SKAP1: variants seen among roughly 807,000 people sequenced by gnomAD.
SKAP1 encodes the protein src kinase-associated phosphoprotein 1.
Under a neutral mutation model 58.5 loss-of-function variants are expected in SKAP1, and 44 were observed. The ratio of observed to expected loss-of-function variants is 0.75; its 90% CI spans 0.59 to 0.97. SKAP1 has a LOEUF of 0.97. Ranked by LOEUF, SKAP1 falls within the 50% of genes least tolerant of loss-of-function variation. The pLI, the probability that SKAP1 is intolerant of heterozygous loss-of-function variation, is 0.00. For missense variants in SKAP1, 390 were observed against 435.2 expected (o/e 0.90, Z 0.92); for synonymous variants, 127 against 149.7 (o/e 0.85, Z 1.11).
chr17:48,182,485 T>A, intron 7 of SKAP1, 28 bp from the exon 8 acceptor site: 1 of 1,520,024 alleles, frequency 6.6e-7, no homozygotes, highest in Non-Finnish European at 9.1e-7. Context: ...AATTAATTTA[T>A]CACTGTCACT....
At chr17:48,360,938 T>A (rs189608173) in intron 3 of SKAP1, among the ~76,000 whole-genome samples, 2 of 152,138 alleles carry the variant, frequency 1.3e-5, no homozygotes, top group Admixed American at 1.3e-4. Flanking sequence ...AATGAGACAG[T>A]GAAAAACAGT....
intron 11 of SKAP1, among the ~76,000 whole-genome samples, chr17:48,137,687 TC>T (rs765107057): frequency 3.3e-5 from 5 of 152,180 alleles, no homozygotes; most frequent in Non-Finnish European, 7.4e-5. Context: ...AGGGGTCAAG[TC>T]ATAGTTCAAA....
intron 1 of SKAP1, among the ~76,000 whole-genome samples, chr17:48,406,279 C>A (rs1470675782): frequency 2.7e-5 from 4 of 146,896 alleles, no homozygotes; most frequent in Admixed American, 6.8e-5. Context: ...AACAAACAAA[C>A]AAAAAAACAA....
intron 1 of SKAP1, among the ~76,000 whole-genome samples, chr17:48,424,837 C>A (rs1168488738): frequency 6.7e-6 from 1 of 150,344 alleles, no homozygotes; most frequent in East Asian, 2.0e-4. Flanking sequence ...AAGGCTGAGG[C>A]AGGAGAATCA....
At chr17:48,331,325 C>T (rs1230055409) in intron 4 of SKAP1, among the ~76,000 whole-genome samples, 1 of 152,096 alleles carries the variant, frequency 6.6e-6, no homozygotes, top group Admixed American at 6.5e-5. Flanking sequence ...TCTTCTATAG[C>T]AACCAGGAAT....
rs572851945 is a variant in SKAP1, at chr17:48,315,396, A to G, written c.280+30509T>C. On this transcript the variant is annotated intron_variant, in intron 4 of 12. Transcript: ENST00000336915. ...ATGCTCATTTTTATGGCAATGAAGA[A>G]CCACTGCTACATAGTGATAAGAAAA... Among the ~76,000 whole-genome samples the G allele has an allele frequency of 9.7e-4, 148 of 152,322 alleles. No individual in the cohort carries two copies. In the Middle Eastern group the frequency reaches 0.014, roughly 14 times the overall value.
chr17:48,194,909 T>A (rs1171371929), intron 4 of SKAP1, among the ~76,000 whole-genome samples: 1 of 152,008 alleles, frequency 6.6e-6, no homozygotes. Flanking sequence ...AACCTGGGGA[T>A]TGGGTGTATG....
At chr17:48,145,165 A>C (rs907310591) in intron 11 of SKAP1, among the ~76,000 whole-genome samples, 2 of 152,174 alleles carry the variant, frequency 1.3e-5, no homozygotes, top group Admixed American at 6.5e-5. Context: ...AAATATTTCT[A>C]GGTTTGACTA....
chr17:48,318,481 C>T (rs1208450437), intron 4 of SKAP1, among the ~76,000 whole-genome samples: 1 of 152,210 alleles, frequency 6.6e-6, no homozygotes, highest in East Asian at 1.9e-4. Context: ...TTGCTGTCAT[C>T]ACCGTCACAA....
intron 4 of SKAP1, among the ~76,000 whole-genome samples, chr17:48,341,105 T>C (rs2066645296): frequency 6.6e-6 from 1 of 152,192 alleles, no homozygotes; most frequent in Non-Finnish European, 1.5e-5. Context: ...TCTTCCTCTC[T>C]GAGCTGGTTT....
intron 4 of SKAP1, among the ~76,000 whole-genome samples, chr17:48,319,350 G>T (rs991074540): frequency 1.3e-5 from 2 of 152,162 alleles, no homozygotes; most frequent in African/African-American, 4.8e-5. Context: ...TAGGGATTGG[G>T]ACCAGCCTGG....
At chr17:48,379,533 G>C (rs2067189105) in intron 2 of SKAP1, among the ~76,000 whole-genome samples, 1 of 152,138 alleles carries the variant, frequency 6.6e-6, no homozygotes, top group Non-Finnish European at 1.5e-5. Flanking sequence ...TTTAAGAACT[G>C]AGATGTATAC....
At chr17:48,254,587 G>A (rs1291160503) in intron 4 of SKAP1, among the ~76,000 whole-genome samples, 2 of 151,202 alleles carry the variant, frequency 1.3e-5, no homozygotes, top group Non-Finnish European at 2.9e-5. Flanking sequence ...TGTTATTTTA[G>A]AGAATTTTGA....
chr17:48,433,092 C>T (rs529678693), upstream of SKAP1, among the ~76,000 whole-genome samples: 5 of 152,328 alleles, frequency 3.3e-5, no homozygotes, highest in Admixed American at 2.0e-4. Context: ...CACACATGAA[C>T]GCAGCCCTTC....
intron 4 of SKAP1, among the ~76,000 whole-genome samples, chr17:48,237,466 C>A (rs770884587): frequency 6.6e-6 from 1 of 152,158 alleles, no homozygotes; most frequent in Non-Finnish European, 1.5e-5. Context: ...GGCCATGAAG[C>A]TATGCTGCCT....
intron 4 of SKAP1, among the ~76,000 whole-genome samples, chr17:48,330,028 T>A (rs2144261115): frequency 6.6e-6 from 1 of 152,322 alleles, no homozygotes. Context: ...CCTTATAGAG[T>A]GCCATGCATT....
At chr17:48,318,729 T>C (rs4488493) in intron 4 of SKAP1, among the ~76,000 whole-genome samples, 26,224 of 152,026 alleles carry the variant, frequency 0.17, 2,317 homozygotes, top group Non-Finnish European at 0.19. Flanking sequence ...TAGCCAGGCA[T>C]GGCATGTGCC....
intron 2 of SKAP1, among the ~76,000 whole-genome samples, chr17:48,389,345 A>G (rs1213581634): frequency 2.0e-5 from 3 of 152,124 alleles, no homozygotes; most frequent in Non-Finnish European, 4.4e-5. Context: ...TGGAAGGGAC[A>G]CCCTTCGAAG....
At chr17:48,363,859 A>G (rs2066968605) in intron 2 of SKAP1, 45 bp from the exon 3 acceptor site, 1 of 1,574,160 alleles carries the variant, frequency 6.4e-7, no homozygotes, top group South Asian at 1.2e-5. Context: ...TCAAACTTGT[A>G]TTTCTCAATT....
Sources: allele counts gnomAD v4.1 joint callset (sites outside exome capture counted in the v4.1 genomes callset), GRCh38; gene constraint gnomAD v4.1.1; transcripts MANE v1.5; gene names NCBI Gene and HGNC (gene_info 2026-07-23, HGNC 2026-07-21).